CDC14A: variants seen among roughly 807,000 people sequenced by gnomAD.
CDC14A encodes dual specificity protein phosphatase CDC14A.
In CDC14A, 53 loss-of-function variants were observed where a neutral mutation model predicts 74.4. The ratio of observed to expected loss-of-function variants is 0.71; its 90% CI spans 0.57 to 0.89. The LOEUF is 0.89. Among genes scored for constraint, CDC14A ranks in the 40% least tolerant of loss-of-function variants. CDC14A has a pLI of 0.00. For synonymous variants in CDC14A, 247 were observed against 258.4 expected (o/e 0.96, Z 0.43); for missense variants, 646 against 713.7 (o/e 0.91, Z 1.08).
intron 2 of CDC14A, among the ~76,000 whole-genome samples, chr1:100,354,604 A>T (rs545913544): frequency 1.3e-5 from 2 of 152,372 alleles, no homozygotes; most frequent in East Asian, 3.9e-4. Context: ...ACATTAATTG[A>T]AGAGAGATAA....
intron 15 of CDC14A, among the ~76,000 whole-genome samples, chr1:100,513,063 TA>T (rs1259297053): frequency 1.3e-5 from 2 of 151,996 alleles, no homozygotes; most frequent in Non-Finnish European, 2.9e-5. Flanking sequence ...AAATAAAAAA[TA>T]AAAAATACTT....
intron 4 of CDC14A, among the ~76,000 whole-genome samples, chr1:100,420,082 A>ATATATATATATATATATATATATGT (rs58124351): frequency 9.5e-6 from 1 of 105,526 alleles, no homozygotes; most frequent in African/African-American, 3.3e-5. Context: ...ATATATATAT[A>ATATATATATATATATATATATATGT]GTGTGTATGT....
chr1:100,500,447 T>C (rs746819088), intron 15 of CDC14A, among the ~76,000 whole-genome samples: 12 of 152,090 alleles, frequency 7.9e-5, no homozygotes, highest in Non-Finnish European at 1.5e-4. Flanking sequence ...CTACTTTCTT[T>C]AGTTGACAGT....
intron 11 of CDC14A, among the ~76,000 whole-genome samples, chr1:100,485,596 A>T (rs1269347283): frequency 6.6e-6 from 1 of 152,106 alleles, no homozygotes; most frequent in Admixed American, 6.5e-5. Context: ...GAAAGAAAGA[A>T]TATAGAAGCA....
chr1:100,406,573 G>GT (rs1659971380), intron 4 of CDC14A, among the ~76,000 whole-genome samples: 1 of 151,950 alleles, frequency 6.6e-6, no homozygotes, highest in Admixed American at 6.6e-5. Context: ...GTAAGGAAGG[G>GT]GTCCAGTTTC....
intron 5 of CDC14A, among the ~76,000 whole-genome samples, chr1:100,438,740 G>A (rs1664610892): frequency 6.6e-6 from 1 of 152,176 alleles, no homozygotes; most frequent in South Asian, 2.1e-4. Flanking sequence ...TGAAACTCAG[G>A]GATGATGAAG....
At position 100,390,810 on chromosome 1, in the gene CDC14A, A is replaced by G. The variant is rs764190305; in HGVS notation, c.295A>G (p.Ile99Val). 1 of 1,609,642 alleles carries G rather than the reference A, an allele frequency of 6.2e-7. No individual in the cohort carries two copies. Among genetic ancestry groups the G allele is most frequent in the Non-Finnish European group, 8.5e-7 (1 of 1,176,298 alleles). ...QRKRANAAFL[I>V]GAYAVIYLKK... ...GAAAAGAGCAAATGCAGCATTTTTG[A>G]TAGGTGCCTATGCAGTAAGTACCTT... Residue 99 changes from isoleucine to valine, a missense_variant, in exon 4 of 16, where the codon ATA becomes GTA. Physicochemically the swap from Ile to Val is conservative, Grantham distance 29 (BLOSUM62 3). Transcript: ENST00000336454.
chr1:100,360,447 A>C (rs1474375395), intron 2 of CDC14A, among the ~76,000 whole-genome samples: 1 of 151,370 alleles, frequency 6.6e-6, no homozygotes, highest in Non-Finnish European at 1.5e-5. Flanking sequence ...GGGTTCAAGC[A>C]ATTCTCCCAC....
chr1:100,446,895 C>T (rs1171647757), intron 7 of CDC14A, among the ~76,000 whole-genome samples: 5 of 152,052 alleles, frequency 3.3e-5, no homozygotes, highest in African/African-American at 9.7e-5. Flanking sequence ...GATGGGGTTT[C>T]GCCATGTTGC....
chr1:100,428,946 G>C (rs910450009), intron 5 of CDC14A, among the ~76,000 whole-genome samples: 1 of 152,018 alleles, frequency 6.6e-6, no homozygotes, highest in African/African-American at 2.4e-5. Context: ...GGTGGCTCAC[G>C]CCTGTAATCC....
At chr1:100,477,235 A>G (rs144901063) in intron 10 of CDC14A, among the ~76,000 whole-genome samples, 104 of 152,286 alleles carry the variant, frequency 6.8e-4, no homozygotes, top group African/African-American at 2.2e-3. Flanking sequence ...ATGCTTTACA[A>G]TATCCATAGG....
rs116346849 is a variant in CDC14A, at chr1:100,380,851, A to G, written c.216+3230A>G. On this transcript the variant is annotated intron_variant, in intron 3 of 15. Coordinates refer to ENST00000336454, the MANE Select transcript of CDC14A (RefSeq NM_003672.4). ...TACCAGCTGTTCCATGCATTTGCTC[A>G]TGAAGACCAGTCTGACTGGGATGCC... 3.8e-3 allele frequency among the ~76,000 whole-genome samples: 582 copies of G among 152,302 alleles called. 5 individuals are homozygous for G. The highest frequency in any genetic ancestry group is 0.013 in the African/African-American group (549 of 41,566).
chr1:100,498,954 A>G lies in CDC14A; in HGVS notation c.1447A>G (p.Ser483Gly), dbSNP rs1279657435. ...CTTTTCCATAAACTCCCGGCTAGCCAGTTCTCTAGGGAACTTGAATGCTGC... is the reference window on the plus strand; with the variant it reads ...CTTTTCCATAAACTCCCGGCTAGCCGGTTCTCTAGGGAACTTGAATGCTGC... Reference protein sequence around the residue: ...RSFSINSRLASSLGNLNAATD... With the variant: ...RSFSINSRLAGSLGNLNAATD... Residue 483 changes from serine (S) to glycine (G), a missense_variant, in exon 15 of 16, where the codon AGT (serine) becomes GGT (glycine). Coordinates refer to ENST00000336454, the MANE Select transcript of CDC14A (RefSeq NM_003672.4). 2.5e-6 allele frequency: 4 copies of G among 1,612,906 alleles called. No individual in the cohort carries two copies. Among genetic ancestry groups the G allele is most frequent in the Non-Finnish European group, 3.4e-6 (4 of 1,179,294 alleles).
intron 5 of CDC14A, among the ~76,000 whole-genome samples, chr1:100,435,636 C>G (rs1437616890): frequency 6.6e-6 from 1 of 152,040 alleles, no homozygotes; most frequent in Non-Finnish European, 1.5e-5. Context: ...CGAGACCAGC[C>G]TGGCTGACAT....
intron 5 of CDC14A, among the ~76,000 whole-genome samples, chr1:100,431,403 G>A (rs766832082): frequency 1.3e-5 from 2 of 151,846 alleles, no homozygotes; most frequent in Non-Finnish European, 2.9e-5. Flanking sequence ...TATATTTCCA[G>A]TAGCCTTAGT....
intron 2 of CDC14A, among the ~76,000 whole-genome samples, chr1:100,377,143 T>A (rs1655382422): frequency 6.6e-6 from 1 of 151,736 alleles, no homozygotes; most frequent in Non-Finnish European, 1.5e-5. Context: ...CGGGTTCAAG[T>A]GATTCTCCTG....
chr1:100,385,211 C>T (rs1340472880), intron 3 of CDC14A, among the ~76,000 whole-genome samples: 3 of 152,146 alleles, frequency 2.0e-5, no homozygotes, highest in Non-Finnish European at 2.9e-5. Context: ...AGGGGTGGGA[C>T]CAGTTACATG....
At chr1:100,456,051 A>C (rs574358036) in intron 8 of CDC14A, among the ~76,000 whole-genome samples, 113 of 152,358 alleles carry the variant, frequency 7.4e-4, no homozygotes, top group African/African-American at 2.6e-3. Flanking sequence ...GCCCAAGGTC[A>C]CAAAGTAATA....
intron 9 of CDC14A, among the ~76,000 whole-genome samples, chr1:100,466,031 G>T (rs1438685312): frequency 6.6e-6 from 1 of 152,168 alleles, no homozygotes; most frequent in Non-Finnish European, 1.5e-5. Flanking sequence ...TAACTATTGA[G>T]TGCTAAGTGC....
Sources: gnomAD v4.1 joint callset for allele counts (sites outside exome capture counted in the v4.1 genomes callset) on GRCh38, gnomAD v4.1.1 for gene constraint, MANE v1.5 for transcripts, NCBI Gene and HGNC (gene_info 2026-07-23, HGNC 2026-07-21) for gene names.